DTWD2: variants seen among roughly 807,000 people sequenced by gnomAD.
DTWD2 encodes the protein tRNA-uridine aminocarboxypropyltransferase 2.
A neutral mutation model predicts 31.8 loss-of-function variants in DTWD2; 39 were observed. The observed-to-expected ratio is 1.22, with a 90% CI of 0.95 to 1.60. The LOEUF (loss-of-function observed/expected upper bound fraction) is 1.60, where lower values mean the gene tolerates loss of function less well. Among genes scored for constraint, DTWD2 ranks in the 40% most tolerant of loss-of-function variants. The pLI is 0.00. For synonymous variants in DTWD2, 180 were observed against 142.8 expected (o/e 1.26, Z -1.86); for missense variants, 515 against 381.5 (o/e 1.35, Z -2.92).
At chr5:118,865,691 C>T (rs527947178) in intron 4 of DTWD2, among the ~76,000 whole-genome samples, 2 of 152,254 alleles carry the variant, frequency 1.3e-5, no homozygotes, top group South Asian at 4.1e-4. Flanking sequence ...ACTTTAGCCT[C>T]ATTTTTTAAA....
chr5:118,856,982 G>A (rs1166091380), intron 4 of DTWD2, among the ~76,000 whole-genome samples: 3 of 151,208 alleles, frequency 2.0e-5, no homozygotes, highest in Non-Finnish European at 1.5e-5. Flanking sequence ...TCAACATGTT[G>A]GCCAGGCTGG....
At chr5:118,859,278 TAAAGAG>T (rs1752206635) in intron 4 of DTWD2, among the ~76,000 whole-genome samples, 1 of 151,812 alleles carries the variant, frequency 6.6e-6, no homozygotes, top group Non-Finnish European at 1.5e-5. Context: ...GCAGGATAAA[TAAAGAG>T]AAAGAATCAC....
intron 4 of DTWD2, among the ~76,000 whole-genome samples, chr5:118,866,116 C>T (rs1025997716): frequency 5.9e-5 from 9 of 151,950 alleles, no homozygotes; most frequent in African/African-American, 2.2e-4. Context: ...AACAACCAGG[C>T]ATGAAAGTTA....
At chr5:118,934,818 A>C (rs747843499) in intron 3 of DTWD2, among the ~76,000 whole-genome samples, 2 of 152,238 alleles carry the variant, frequency 1.3e-5, no homozygotes, top group Non-Finnish European at 2.9e-5. Context: ...GACCCATACC[A>C]TATAAACACT....
intron 1 of DTWD2, chr5:118,974,047 T>C (rs1207784318): frequency 6.8e-6 from 11 of 1,606,594 alleles, no homozygotes; most frequent in Non-Finnish European, 6.0e-6. Context: ...CTGAGACAGC[T>C]ACGGGCAAGC....
chr5:118,854,529 A>G (rs1307833399), intron 4 of DTWD2, among the ~76,000 whole-genome samples: 3 of 152,108 alleles, frequency 2.0e-5, no homozygotes, highest in African/African-American at 7.2e-5. Flanking sequence ...AAAAAATTCT[A>G]AAGAGAATAA....
chr5:118,904,808 C>T, intron 4 of DTWD2, among the ~76,000 whole-genome samples: 1 of 152,082 alleles, frequency 6.6e-6, no homozygotes, highest in East Asian at 1.9e-4. Flanking sequence ...CTCTCCTCAC[C>T]ACTATGGCTA....
intron 4 of DTWD2, among the ~76,000 whole-genome samples, chr5:118,856,322 T>A (rs1411208521): frequency 6.6e-6 from 1 of 152,242 alleles, no homozygotes; most frequent in East Asian, 1.9e-4. Flanking sequence ...TCCATATTAT[T>A]CCTATAGCTG....
At chr5:118,923,610 C>T (rs1461178437) in intron 4 of DTWD2, among the ~76,000 whole-genome samples, 1 of 152,204 alleles carries the variant, frequency 6.6e-6, no homozygotes, top group African/African-American at 2.4e-5. Context: ...AATACATTCT[C>T]TTTGACCTTC....
At position 118,928,606 on chromosome 5, in the gene DTWD2, G is replaced by A. The variant is rs1485117488; in HGVS notation, c.528C>T (p.Ile176=). ...TAGCCTGGCTCCATGTACCATCAAT[G>A]ATGATGATTGTAGAAGGATAAACAG... ...DSPVYPSTII[I]IDGTWSQAKD... is the part of the protein sequence containing the mutation. The change falls in exon 4 of 6, where the codon ATC becomes ATT. Residue 176 remains isoleucine, a synonymous_variant. Coordinates refer to ENST00000510708, the MANE Select transcript of DTWD2 (RefSeq NM_173666.4). 1 of 1,596,132 alleles carries A rather than the reference G, an allele frequency of 6.3e-7. No homozygotes were observed. Among genetic ancestry groups the A allele is most frequent in the South Asian group, 1.2e-5 (1 of 86,332 alleles).
intron 1 of DTWD2, among the ~76,000 whole-genome samples, chr5:118,956,973 A>G (rs1754601287): frequency 6.7e-6 from 1 of 148,334 alleles, no homozygotes; most frequent in African/African-American, 2.6e-5. Flanking sequence ...CTGTAAGATA[A>G]AGTCATTGTC....
intron 4 of DTWD2, among the ~76,000 whole-genome samples, chr5:118,869,275 C>T (rs1001734349): frequency 3.3e-5 from 5 of 152,136 alleles, no homozygotes; most frequent in East Asian, 1.9e-4. Context: ...GATCAGAAAT[C>T]GTTGGGACAG....
At chr5:118,885,646 T>C (rs1360393703) in intron 4 of DTWD2, among the ~76,000 whole-genome samples, 2 of 150,564 alleles carry the variant, frequency 1.3e-5, no homozygotes, top group Non-Finnish European at 3.0e-5. Context: ...GCACCTGTAA[T>C]CCCAGCTACT....
chr5:118,975,510 T>C (rs1366668899), intron 1 of DTWD2, among the ~76,000 whole-genome samples: 4 of 152,170 alleles, frequency 2.6e-5, no homozygotes, highest in Admixed American at 2.0e-4. Context: ...TTACCCACTT[T>C]CTGAAGCCTA....
At position 118,908,848 on chromosome 5, in the gene DTWD2, T is replaced by C. The variant is rs561411284; in HGVS notation, c.597+19689A>G. Among the ~76,000 whole-genome samples the C allele has an allele frequency of 1.1e-3, 172 of 152,194 alleles. 1 individual carries two copies. The highest frequency in any genetic ancestry group is 4.1e-3 in the African/African-American group (170 of 41,516). On this transcript the variant is annotated intron_variant, in intron 4 of 5. Coordinates refer to ENST00000510708, the MANE Select transcript of DTWD2 (RefSeq NM_173666.4). ...AAAGAACGTCAGTGAGAAGGCAAAG[T>C]AGGAGATACCAGCCTTCCTCCACCC... is the stretch of plus-strand genomic sequence containing the variant.
intron 4 of DTWD2, among the ~76,000 whole-genome samples, chr5:118,874,263 G>C (rs998225927): frequency 6.6e-6 from 1 of 152,186 alleles, no homozygotes; most frequent in Non-Finnish European, 1.5e-5. Context: ...AAGAATCAGT[G>C]CAAGAATGCT....
chr5:118,901,553 ATATATTAGAG>A (rs915205951), intron 4 of DTWD2, among the ~76,000 whole-genome samples: 7 of 152,202 alleles, frequency 4.6e-5, no homozygotes, highest in African/African-American at 1.7e-4. Flanking sequence ...AAAATATCAT[ATATATTAGAG>A]TATATTAGAG....
At chr5:118,842,660 T>C (rs1000395095) in intron 5 of DTWD2, among the ~76,000 whole-genome samples, 1 of 151,220 alleles carries the variant, frequency 6.6e-6, no homozygotes, top group Non-Finnish European at 1.5e-5. Context: ...TACTGTAATA[T>C]ACACCCCCAC....
At chr5:118,841,941 G>T (rs1039360459) in intron 5 of DTWD2, among the ~76,000 whole-genome samples, 1 of 152,100 alleles carries the variant, frequency 6.6e-6, no homozygotes, top group Non-Finnish European at 1.5e-5. Flanking sequence ...AAAACTGATA[G>T]ATTTAACTAC....
Sources: allele counts gnomAD v4.1 joint callset (sites outside exome capture counted in the v4.1 genomes callset), GRCh38; gene constraint gnomAD v4.1.1; transcripts MANE v1.5; gene names NCBI Gene and HGNC (gene_info 2026-07-23, HGNC 2026-07-21).